Variants in MEF2C observed in about 807,000 individuals in gnomAD.
MEF2C encodes myocyte-specific enhancer factor 2C.
In MEF2C, 6 loss-of-function variants were observed where a neutral mutation model predicts 50.5. The observed-to-expected ratio is 0.12, with a 90% CI of 0.07 to 0.23. MEF2C has a LOEUF of 0.23. MEF2C is among the 10% of genes least tolerant of loss of function. MEF2C has a pLI of 1.00. For missense variants in MEF2C, 276 were observed against 605.0 expected (o/e 0.46, Z 5.70); for synonymous variants, 183 against 228.0 (o/e 0.80, Z 1.78).
rs775091495 is a variant in MEF2C at position 88,721,180 on chromosome 5, G to GT, written c.*1423dup. The stretch of plus-strand genomic sequence containing the variant: ...TATTCTGGGCATATTTCTAAAAAGC[G>GT]TATCAAATTCTAGGCTGAAAACCAA... On this transcript the variant is annotated 3_prime_UTR_variant, in exon 11 of 11. Coordinates refer to ENST00000504921, the MANE Select transcript of MEF2C (RefSeq NM_002397.5). 3 of 152,542 alleles carry GT rather than the reference G, an allele frequency of 2.0e-5. No homozygotes were observed. The highest frequency in any genetic ancestry group is 3.8e-4 in the East Asian group (2 of 5,202). 9.4% of individuals were successfully genotyped at this position (152,542 alleles called of 1,614,324 possible).
At chr5:88,828,157 C>A (rs1242445842) in intron 1 of MEF2C, among the ~76,000 whole-genome samples, 1 of 151,908 alleles carries the variant, frequency 6.6e-6, no homozygotes, top group African/African-American at 2.4e-5. Flanking sequence ...AGATTTCAAT[C>A]ATCTTCCCAC....
chr5:88,902,355 T>C (rs1307974297), intron 1 of MEF2C, among the ~76,000 whole-genome samples: 7 of 151,938 alleles, frequency 4.6e-5, no homozygotes, highest in Non-Finnish European at 8.8e-5. Flanking sequence ...AATGTTTTAA[T>C]CATTTGAAAT....
chr5:88,862,705 G>A (rs1248149625), intron 1 of MEF2C, among the ~76,000 whole-genome samples: 1 of 152,136 alleles, frequency 6.6e-6, no homozygotes, highest in Admixed American at 6.5e-5. Flanking sequence ...TCAAAACAGT[G>A]GGTTGCAGGG....
chr5:88,889,393 C>G (rs1252402912), intron 1 of MEF2C: 1 of 153,952 alleles, frequency 6.5e-6, no homozygotes, highest in Non-Finnish European at 1.4e-5. Context: ...CCCCCTTCCC[C>G]CCCCCCTTTT....
At chr5:88,834,083 T>A (rs908629091) in intron 1 of MEF2C, among the ~76,000 whole-genome samples, 27 of 152,246 alleles carry the variant, frequency 1.8e-4, no homozygotes, top group African/African-American at 6.5e-4. Flanking sequence ...CCTGGCTCAC[T>A]GTAAAACATG....
chr5:88,815,289 A>G (rs1433706294), intron 2 of MEF2C, among the ~76,000 whole-genome samples: 1 of 152,066 alleles, frequency 6.6e-6, no homozygotes, highest in Non-Finnish European at 1.5e-5. Context: ...GGAAGAGTGT[A>G]ACTTCTTCCT....
intron 5 of MEF2C, chr5:88,751,230 T>C: frequency 1.0e-6 from 1 of 985,188 alleles, no homozygotes; most frequent in Non-Finnish European, 1.2e-6. Flanking sequence ...TATTTTTCTC[T>C]TGGACACTGT....
intron 1 of MEF2C, chr5:88,825,653 T>G: frequency 1.0e-6 from 1 of 984,680 alleles, no homozygotes; most frequent in Non-Finnish European, 1.2e-6. Flanking sequence ...ACTGTCCATC[T>G]ATTTTTAGAA....
chr5:88,897,242 T>G (rs966936105), intron 1 of MEF2C, among the ~76,000 whole-genome samples: 3 of 152,230 alleles, frequency 2.0e-5, no homozygotes, highest in African/African-American at 7.2e-5. Flanking sequence ...GTGCTTGTGT[T>G]GGTTATATAG....
upstream of MEF2C, among the ~76,000 whole-genome samples, chr5:88,887,929 ATTC>A (rs1834171545): frequency 6.6e-6 from 1 of 152,194 alleles, no homozygotes; most frequent in African/African-American, 2.4e-5. Context: ...ATATCTAAGG[ATTC>A]TATGTTTATC....
intron 1 of MEF2C, among the ~76,000 whole-genome samples, chr5:88,848,582 A>G (rs1368446197): frequency 1.3e-5 from 2 of 152,112 alleles, no homozygotes; most frequent in African/African-American, 4.8e-5. Context: ...ATAACTTCTC[A>G]CTCCACACTG....
intron 1 of MEF2C, among the ~76,000 whole-genome samples, chr5:88,895,350 T>A (rs1180968636): frequency 6.6e-6 from 1 of 152,194 alleles, no homozygotes; most frequent in African/African-American, 2.4e-5. Flanking sequence ...TATATAATAT[T>A]GTCTTTAGAT....
intron 1 of MEF2C, chr5:88,877,888 A>G (rs144495577): frequency 1.3e-5 from 2 of 152,138 alleles, no homozygotes; most frequent in African/African-American, 2.4e-5. Context: ...CTCACTAACT[A>G]TAGGAGATCA....
intron 2 of MEF2C, among the ~76,000 whole-genome samples, chr5:88,809,085 T>C (rs1172907410): frequency 5.3e-5 from 8 of 152,264 alleles, no homozygotes; most frequent in Non-Finnish European, 1.0e-4. Context: ...TTATTTTATG[T>C]TTTTCCTTTA....
intron 4 of MEF2C, among the ~76,000 whole-genome samples, chr5:88,756,395 T>TGA (rs1353332442): frequency 3.9e-5 from 6 of 152,330 alleles, no homozygotes; most frequent in South Asian, 4.1e-4. Context: ...CACTTCTAAG[T>TGA]GAGAACATAC....
chr5:88,723,127 T>C (rs1465296490), intron 10 of MEF2C, among the ~76,000 whole-genome samples: 1 of 152,218 alleles, frequency 6.6e-6, no homozygotes, highest in Non-Finnish European at 1.5e-5. Flanking sequence ...CGGTAGTAAT[T>C]ACAGCATTTA....
At chr5:88,782,238 T>C (rs1461913953) in intron 3 of MEF2C, 1 of 814,416 alleles carries the variant, frequency 1.2e-6, no homozygotes, top group Admixed American at 6.3e-5. Context: ...GAGGCTGAGG[T>C]GGGAGGATCA....
At chr5:88,828,521 C>G (rs937159168) in intron 1 of MEF2C, among the ~76,000 whole-genome samples, 29 of 151,982 alleles carry the variant, frequency 1.9e-4, no homozygotes, top group African/African-American at 7.0e-4. Context: ...CACTCTATCA[C>G]ACAACACTAA....
At chr5:88,752,191 G>A (rs371557802) in intron 4 of MEF2C, 148 bp from the exon 5 acceptor site, 5 of 605,742 alleles carry the variant, frequency 8.3e-6, no homozygotes, top group South Asian at 3.6e-5. Flanking sequence ...CTCTCAAGAC[G>A]TTCAGATCAT....
Sources: allele counts gnomAD v4.1 joint callset (sites outside exome capture counted in the v4.1 genomes callset), GRCh38; gene constraint gnomAD v4.1.1; transcripts MANE v1.5; gene names NCBI Gene and HGNC (gene_info 2026-07-23, HGNC 2026-07-21).